The following ELOF1 variants were observed in gnomAD, a reference collection of about 807,000 sequenced individuals.
The protein encoded by ELOF1 is elongation factor 1.
A neutral mutation model predicts 7.1 loss-of-function variants in ELOF1; 4 were observed. The observed-to-expected ratio is 0.56, with a 90% confidence interval of 0.28 to 1.29. The LOEUF (loss-of-function observed/expected upper bound fraction) is 1.29. Ranked by LOEUF, ELOF1 falls within the 50% of genes most tolerant of loss-of-function variation. The pLI is 0.10. For missense variants in ELOF1, 59 were observed against 86.3 expected, an observed-to-expected ratio of 0.68 and a Z score of 1.25; for synonymous variants, 31 against 31.9, an observed-to-expected ratio of 0.97 and a Z score of 0.09.
At chr19:11,555,747 C>G (rs1484433218) in intron 1 of ELOF1, 1 of 152,484 alleles carries the variant, frequency 6.6e-6, no homozygotes, top group Non-Finnish European at 1.5e-5. Context: ...ACAAAGTCAC[C>G]CTGTGCTTTT....
intron 1 of ELOF1, among the ~76,000 whole-genome samples, chr19:11,557,974 C>T (rs1293762306): frequency 6.6e-6 from 1 of 152,166 alleles, no homozygotes; most frequent in African/African-American, 2.4e-5. Flanking sequence ...ACACTGAGGC[C>T]ACCTGCTTCT....
intron 3 of ELOF1, chr19:11,553,566 C>T (rs975073688): frequency 1.4e-6 from 1 of 713,692 alleles, no homozygotes. Flanking sequence ...ACACCCACAC[C>T]CACACGCACA....
At chr19:11,555,176 G>A (rs1432068796) in intron 1 of ELOF1, 3 of 250,600 alleles carry the variant, frequency 1.2e-5, no homozygotes, top group East Asian at 1.7e-4. Context: ...AGACTCACCT[G>A]AACCCAAGAG....
intron 1 of ELOF1, among the ~76,000 whole-genome samples, chr19:11,557,289 C>T (rs1424845025): frequency 3.3e-5 from 5 of 152,198 alleles, no homozygotes; most frequent in Non-Finnish European, 7.4e-5. Flanking sequence ...CCAACTTGCT[C>T]CAATGAAGAG....
chr19:11,554,497 A>C, intron 1 of ELOF1, 132 bp from the exon 2 acceptor site: 11 of 1,293,090 alleles, frequency 8.5e-6, no homozygotes, highest in South Asian at 1.5e-5. Flanking sequence ...TTGAGGGACG[A>C]GGCCCTCAGT....
intron 1 of ELOF1, among the ~76,000 whole-genome samples, chr19:11,555,924 C>T (rs974604105): frequency 6.6e-5 from 10 of 151,948 alleles, no homozygotes; most frequent in African/African-American, 9.7e-5. Context: ...AAGGTTGTGG[C>T]GGGGACATAG....
intron 1 of ELOF1, chr19:11,555,277 A>T (rs961155285): frequency 5.8e-4 from 95 of 163,344 alleles, no homozygotes; most frequent in Non-Finnish European, 7.6e-4. Flanking sequence ...AAAAAAAAAA[A>T]GTCGAAATAA....
chr19:11,558,779 A>T (rs1173820636), intron 1 of ELOF1, among the ~76,000 whole-genome samples: 1 of 151,334 alleles, frequency 6.6e-6, no homozygotes, highest in East Asian at 2.0e-4. Flanking sequence ...CCAGAAGCTC[A>T]TTTTGCCCAG....
At position 11,554,009 on chromosome 19, in the gene ELOF1, A is replaced by G. The variant is rs1040804463; in HGVS notation, c.187+2T>C. The G allele has an allele frequency of 3.1e-6, 5 of 1,614,064 alleles. No homozygotes were observed. The highest frequency in any genetic ancestry group is 4.2e-6 in the Non-Finnish European group (5 of 1,180,038). On this transcript the variant is annotated splice_donor_variant, in intron 3 of 3. Coordinates refer to ENST00000586683, the Ensembl canonical transcript of ELOF1. LOFTEE classifies it high-confidence loss of function. ...GGAAAAAGCCCAGGTTTCCAAGGAT[A>G]CACGTTATGGGCGTCTGGAATTCCT...
chr19:11,553,711 C>G (rs367832594), intron 3 of ELOF1: 4 of 1,613,804 alleles, frequency 2.5e-6, no homozygotes, highest in Middle Eastern at 1.7e-4. Context: ...ATCCACAGTA[C>G]GCGGGGCTGC....
exon 2 of ELOF1, chr19:11,554,247 G>A (rs776021530): frequency 6.2e-7 from 1 of 1,613,742 alleles, no homozygotes. Context: ...CACATCACAG[G>A]ATTTCTCGTG....
chr19:11,554,382 A>T lies in ELOF1; in HGVS notation c.-18-17T>A, dbSNP rs954405748. The T allele has an allele frequency of 1.2e-6, 2 of 1,609,102 alleles. No individual in the cohort carries two copies. Among genetic ancestry groups the T allele is most frequent in the Admixed American group, 3.4e-5 (2 of 59,568 alleles). On this transcript the variant is annotated splice_polypyrimidine_tract_variant and intron_variant, in intron 1 of 3. Transcript: ENST00000586683. The stretch of plus-strand genomic sequence containing the variant: ...TGGATGAGCCTGTGGGGAGTGGCAG[A>T]TGTCAGTGGTTTGAGGAAACCACGC...
At chr19:11,553,758 C>T (rs993484867) in intron 3 of ELOF1, 14 of 1,614,098 alleles carry the variant, frequency 8.7e-6, no homozygotes, top group African/African-American at 1.3e-5. Context: ...ACTGATTGGC[C>T]GCCTCGCAGG....
At chr19:11,558,590 A>G (rs1972867835) in intron 1 of ELOF1, among the ~76,000 whole-genome samples, 1 of 151,840 alleles carries the variant, frequency 6.6e-6, no homozygotes, top group Admixed American at 6.6e-5. Flanking sequence ...CAAAATTACA[A>G]AAATTAGCCT....
intron 3 of ELOF1, chr19:11,553,555 CACA>C: frequency 1.5e-6 from 1 of 657,222 alleles, no homozygotes; most frequent in South Asian, 1.8e-5. Flanking sequence ...CACACTCACT[CACA>C]CCCACACCCA....
chr19:11,555,280 C>T (rs1402349869), intron 1 of ELOF1: 10 of 162,822 alleles, frequency 6.1e-5, no homozygotes, highest in African/African-American at 1.8e-4. Context: ...AAAAAAAAGT[C>T]GAAATAAGGT....
intron 1 of ELOF1, among the ~76,000 whole-genome samples, chr19:11,557,601 A>AAT (rs1237010872): frequency 6.8e-6 from 1 of 146,150 alleles, no homozygotes; most frequent in African/African-American, 2.6e-5. Context: ...ATCTAAAAAA[A>AAT]AAAAAAAAAA....
In ELOF1 at chr19:11,556,716, G is replaced by A. The variant is rs562015082; in HGVS notation, c.-18-2351C>T. ...TCACCCACCCTCTTTATTTATCTAA[G>A]AGATGAGGTCTTGCTCTGTTGCCCA... On this transcript the variant is annotated intron_variant, in intron 1 of 3. Transcript: ENST00000586683. 2.6e-5 allele frequency among the ~76,000 whole-genome samples: 4 copies of A among 151,958 alleles called. No individual in the cohort carries two copies. In the South Asian group the frequency reaches 8.3e-4, roughly 32 times the overall value.
chr19:11,553,655 C>CA (rs1972773980), intron 3 of ELOF1: 1 of 1,477,002 alleles, frequency 6.8e-7, no homozygotes, highest in East Asian at 2.3e-5. Context: ...CCAGGACCCA[C>CA]ACCCTGGACC....
Sources: allele counts gnomAD v4.1 joint callset (sites outside exome capture counted in the v4.1 genomes callset), GRCh38; gene constraint gnomAD v4.1.1; transcripts MANE v1.5; gene names NCBI Gene and HGNC (gene_info 2026-07-23, HGNC 2026-07-21).